Variants in WWOX observed in about 807,000 individuals in gnomAD.
WWOX encodes WW domain containing oxidoreductase.
WWOX carries 69 observed loss-of-function variants against 46.2 expected under a neutral mutation model. The ratio of observed to expected loss-of-function variants is 1.49; its 90% CI spans 1.23 to 1.82. The LOEUF (loss-of-function observed/expected upper bound fraction) is 1.82. WWOX is among the 40% of genes most tolerant of loss of function. The pLI, the probability that WWOX is intolerant of heterozygous loss-of-function variation, is 0.00. For synonymous variants in WWOX, 359 were observed against 202.6 expected (o/e 1.77, Z -6.56); for missense variants, 919 against 542.6 (o/e 1.69, Z -6.89).
chr16:78,657,569 C>T (rs376001661), intron 8 of WWOX, among the ~76,000 whole-genome samples: 3 of 152,234 alleles, frequency 2.0e-5, no homozygotes, highest in South Asian at 2.1e-4. Flanking sequence ...TGACCCTGGC[C>T]GGGACTGAAG....
chr16:78,365,476 A>C (rs560797830), intron 5 of WWOX, among the ~76,000 whole-genome samples: 1 of 152,310 alleles, frequency 6.6e-6, no homozygotes, highest in East Asian at 1.9e-4. Flanking sequence ...CTTGCAACTG[A>C]ATCTGGGCAA....
chr16:78,387,374 T>G (rs187376817), intron 6 of WWOX, among the ~76,000 whole-genome samples: 89 of 152,324 alleles, frequency 5.8e-4, no homozygotes, highest in African/African-American at 2.1e-3. Context: ...ACCTCTAGTT[T>G]CTAAAGCCTT....
chr16:79,079,582 C>T (rs537740769), intron 8 of WWOX, among the ~76,000 whole-genome samples: 58 of 152,286 alleles, frequency 3.8e-4, no homozygotes, highest in African/African-American at 1.4e-3. Context: ...TTGCCTGTAA[C>T]CTTCTGAAAC....
chr16:78,628,419 G>T lies in WWOX; in HGVS notation c.1056+195667G>T, dbSNP rs1004016462. ...TTACTAGGTCTGGGGTTGGGGGATTGTGGGTGCCGAGAATCAGTATTTCTA... is the reference window on the plus strand; with the variant it reads ...TTACTAGGTCTGGGGTTGGGGGATTTTGGGTGCCGAGAATCAGTATTTCTA... On this transcript the variant is annotated intron_variant, in intron 8 of 8. Coordinates refer to ENST00000566780, the MANE Select transcript of WWOX (RefSeq NM_016373.4). 5.5e-4 allele frequency among the ~76,000 whole-genome samples: 84 copies of T among 152,184 alleles called. 1 individual carries two copies. Among genetic ancestry groups the T allele is most frequent in the African/African-American group, 2.0e-3 (81 of 41,444 alleles).
intron 8 of WWOX, among the ~76,000 whole-genome samples, chr16:78,631,266 C>A (rs1170187704): frequency 6.6e-6 from 1 of 152,116 alleles, no homozygotes; most frequent in Non-Finnish European, 1.5e-5. Context: ...TCCACCCCTT[C>A]CTCACCCAAG....
intron 5 of WWOX, among the ~76,000 whole-genome samples, chr16:78,323,379 A>T (rs1316913197): frequency 6.6e-6 from 1 of 152,200 alleles, no homozygotes; most frequent in African/African-American, 2.4e-5. Context: ...TGCTGGGATT[A>T]CAGGCGTGAG....
intron 6 of WWOX, among the ~76,000 whole-genome samples, chr16:78,407,282 C>A (rs1322225484): frequency 6.6e-6 from 1 of 152,146 alleles, no homozygotes; most frequent in Non-Finnish European, 1.5e-5. Context: ...TTTCCAAATA[C>A]TATGAAGTCT....
chr16:78,961,805 G>A (rs909140740), intron 8 of WWOX, among the ~76,000 whole-genome samples: 2 of 152,160 alleles, frequency 1.3e-5, no homozygotes, highest in African/African-American at 4.8e-5. Flanking sequence ...TAGTCTTGCT[G>A]TCCTGAATCT....
intron 8 of WWOX, among the ~76,000 whole-genome samples, chr16:79,189,940 G>T (rs866343594): frequency 3.3e-5 from 5 of 149,486 alleles, no homozygotes; most frequent in Admixed American, 2.0e-4. Context: ...GGGAAGGGGG[G>T]GGGGATAAAG....
intron 8 of WWOX, among the ~76,000 whole-genome samples, chr16:79,025,982 G>C (rs751863064): frequency 6.6e-6 from 1 of 151,332 alleles, no homozygotes; most frequent in African/African-American, 2.4e-5. Context: ...TGGATTTTTA[G>C]TAGAGATGGG....
chr16:78,966,461 G>A (rs1597215421), intron 8 of WWOX, among the ~76,000 whole-genome samples: 1 of 151,530 alleles, frequency 6.6e-6, no homozygotes. Flanking sequence ...GGCTTTTCAT[G>A]TACATCGTTT....
intron 3 of WWOX, among the ~76,000 whole-genome samples, chr16:78,112,469 T>C (rs545967520): frequency 3.3e-5 from 5 of 152,082 alleles, no homozygotes; most frequent in African/African-American, 1.2e-4. Context: ...AAAACTGATA[T>C]TGAGAGCAAA....
At chr16:78,744,008 G>A (rs62036148) in intron 8 of WWOX, among the ~76,000 whole-genome samples, 103 of 151,986 alleles carry the variant, frequency 6.8e-4, no homozygotes, top group Non-Finnish European at 1.1e-3. Context: ...CTTTGTTTAT[G>A]CGTTTTGTCC....
At chr16:79,167,821 T>C (rs769135832) in intron 8 of WWOX, among the ~76,000 whole-genome samples, 29 of 152,240 alleles carry the variant, frequency 1.9e-4, no homozygotes, top group Non-Finnish European at 3.8e-4. Flanking sequence ...CTCAGTGTTA[T>C]GCCACCGTCA....
chr16:78,677,102 C>T (rs1011206039), intron 8 of WWOX, among the ~76,000 whole-genome samples: 3 of 150,854 alleles, frequency 2.0e-5, no homozygotes, highest in Non-Finnish European at 4.4e-5. Flanking sequence ...TTCAAATTCT[C>T]GTAGGCATTA....
intron 8 of WWOX, among the ~76,000 whole-genome samples, chr16:78,659,589 TC>T (rs1410584084): frequency 1.7e-4 from 26 of 152,188 alleles, no homozygotes; most frequent in Non-Finnish European, 2.9e-5. Context: ...ATCAAATGTT[TC>T]CAAAGTGCAC....
chr16:78,837,100 G>T (rs775755944), intron 8 of WWOX, among the ~76,000 whole-genome samples: 6 of 152,052 alleles, frequency 3.9e-5, no homozygotes, highest in Non-Finnish European at 5.9e-5. Context: ...GCTTAGGGAG[G>T]GGGGAGAAGA....
chr16:78,520,260 G>A (rs2043319730), intron 8 of WWOX, among the ~76,000 whole-genome samples: 1 of 152,192 alleles, frequency 6.6e-6, no homozygotes, highest in Admixed American at 6.5e-5. Flanking sequence ...GGTGAAGAGA[G>A]CCAAAGTCTT....
At chr16:78,953,371 A>G (rs543535952) in intron 8 of WWOX, among the ~76,000 whole-genome samples, 9 of 152,332 alleles carry the variant, frequency 5.9e-5, no homozygotes, top group African/African-American at 1.4e-4. Flanking sequence ...CACTAATTGT[A>G]TGCAAATGGA....
Sources: gnomAD v4.1 joint callset for allele counts (sites outside exome capture counted in the v4.1 genomes callset) on GRCh38, gnomAD v4.1.1 for gene constraint, MANE v1.5 for transcripts, NCBI Gene and HGNC (gene_info 2026-07-23, HGNC 2026-07-21) for gene names.